The following NEMP2 variants were observed in gnomAD, a reference collection of about 807,000 sequenced individuals.
NEMP2 encodes the protein nuclear envelope integral membrane protein 2.
A neutral mutation model predicts 54.2 loss-of-function variants in NEMP2; 53 were observed. That is an observed-to-expected ratio of 0.98 (90% CI 0.78 to 1.23). NEMP2 has a LOEUF of 1.23. NEMP2 is among the 50% of genes most tolerant of loss of function. The pLI is 0.00. For synonymous variants in NEMP2, 197 were observed against 190.3 expected, an observed-to-expected ratio of 1.04 and a Z score of -0.29; for missense variants, 455 against 511.3, an observed-to-expected ratio of 0.89 and a Z score of 1.06.
chr2:190,490,020 T>C, the NEMP2 span, among the ~76,000 whole-genome samples: 1 of 152,302 alleles, frequency 6.6e-6, no homozygotes, highest in East Asian at 1.9e-4. The surrounding 1 kb of genome is among the most constrained non-coding windows in gnomAD (Gnocchi z 4.5). Context: ...TGTGGACTAT[T>C]GTTAAAGAGA....
intron 6 of NEMP2, among the ~76,000 whole-genome samples, chr2:190,515,377 T>A (rs1274359548): frequency 6.6e-6 from 1 of 152,194 alleles, no homozygotes; most frequent in Non-Finnish European, 1.5e-5. Context: ...AAAGAACTGC[T>A]ACGGATTAAA....
chr2:190,493,403 G>A, the NEMP2 span, among the ~76,000 whole-genome samples: 1 of 152,126 alleles, frequency 6.6e-6, no homozygotes, highest in South Asian at 2.1e-4. Flanking sequence ...CCAGACCTAA[G>A]TAATGAGATA....
chr2:190,433,703 CAG>C, the NEMP2 span, among the ~76,000 whole-genome samples: 1 of 152,146 alleles, frequency 6.6e-6, no homozygotes. This position sits in a 1 kb window ranked among gnomAD's most constrained non-coding sequence, Gnocchi z 4.5. Flanking sequence ...TTGGGGATAA[CAG>C]ATAAATTGAC....
At chr2:190,492,826 A>C in the NEMP2 span, among the ~76,000 whole-genome samples, 1 of 151,104 alleles carries the variant, frequency 6.6e-6, no homozygotes, top group East Asian at 1.9e-4. The surrounding 1 kb of genome is among the most constrained non-coding windows in gnomAD (Gnocchi z 5.2). Flanking sequence ...AGCCAGAACT[A>C]CAAGAATTTG....
chr2:190,556,682 A>G, the NEMP2 span, among the ~76,000 whole-genome samples: 4 of 152,200 alleles, frequency 2.6e-5, no homozygotes, highest in South Asian at 2.1e-4. Context: ...CTATACACCA[A>G]TAGCAGACAA....
chr2:190,599,493 A>C, the NEMP2 span, among the ~76,000 whole-genome samples: 1 of 152,194 alleles, frequency 6.6e-6, no homozygotes, highest in Non-Finnish European at 1.5e-5. Context: ...GTATTTTTCC[A>C]TATTTGCTAC....
At chr2:190,497,345 T>A in the NEMP2 span, 1 of 1,371,302 alleles carries the variant, frequency 7.3e-7, no homozygotes, top group African/African-American at 1.5e-5. This position sits in a 1 kb window ranked among gnomAD's most constrained non-coding sequence, Gnocchi z 5.2. Context: ...CTGGAATGGG[T>A]ATATGGGATT....
the NEMP2 span, among the ~76,000 whole-genome samples, chr2:190,486,785 G>A: frequency 6.6e-6 from 1 of 152,194 alleles, no homozygotes; most frequent in Non-Finnish European, 1.5e-5. Flanking sequence ...ATCTCCAAAT[G>A]AGACTATTTC....
the NEMP2 span, among the ~76,000 whole-genome samples, chr2:190,632,739 T>C: frequency 1.3e-5 from 2 of 152,022 alleles, no homozygotes; most frequent in South Asian, 4.1e-4. The surrounding 1 kb of genome is among the most constrained non-coding windows in gnomAD (Gnocchi z 4.8). Context: ...TTTCCATAAC[T>C]AAGGGGGGCA....
At chr2:190,532,789 C>T (rs1192057795) in intron 1 of NEMP2, among the ~76,000 whole-genome samples, 1 of 152,208 alleles carries the variant, frequency 6.6e-6, no homozygotes, top group Non-Finnish European at 1.5e-5. Context: ...GGTTCTTAAG[C>T]CTAGTCTAAT....
chr2:190,429,069 T>A, the NEMP2 span, among the ~76,000 whole-genome samples: 2 of 152,156 alleles, frequency 1.3e-5, no homozygotes, highest in Admixed American at 6.6e-5. Context: ...GATCATCTTT[T>A]TACATATTTA....
chr2:190,550,269 G>GGTTTCCCAGGTCT, the NEMP2 span, among the ~76,000 whole-genome samples: 2 of 152,118 alleles, frequency 1.3e-5, no homozygotes, highest in Non-Finnish European at 2.9e-5. The surrounding 1 kb of genome is among the most constrained non-coding windows in gnomAD (Gnocchi z 4.7). Flanking sequence ...TGTCTGGTGA[G>GGTTTCCCAGGTCT]GGCCTGTTTC....
chr2:190,492,103 A>G, the NEMP2 span, among the ~76,000 whole-genome samples: 4,374 of 152,288 alleles, frequency 0.029, 233 homozygotes, highest in African/African-American at 0.098. The surrounding 1 kb of genome is among the most constrained non-coding windows in gnomAD (Gnocchi z 5.2). Context: ...TCCAACGAAG[A>G]CAAAGAAAAA....
chr2:190,500,503 T>C (rs1167141905), downstream of NEMP2: 9 of 378,772 alleles, frequency 2.4e-5, no homozygotes, highest in African/African-American at 1.8e-4. The surrounding 1 kb of genome is among the most constrained non-coding windows in gnomAD (Gnocchi z 5.3). Context: ...AGAATTTCTC[T>C]GCCAGTGCAG....
the NEMP2 span, chr2:190,436,798 A>G: frequency 5.0e-6 from 8 of 1,614,192 alleles, no homozygotes; most frequent in Non-Finnish European, 5.9e-6. The surrounding 1 kb of genome is among the most constrained non-coding windows in gnomAD (Gnocchi z 5.3). Context: ...AAGCGTAACC[A>G]AGGAGACAAC....
At chr2:190,562,967 G>A in the NEMP2 span, among the ~76,000 whole-genome samples, 1 of 134,668 alleles carries the variant, frequency 7.4e-6, no homozygotes, top group African/African-American at 2.8e-5. The surrounding 1 kb of genome is among the most constrained non-coding windows in gnomAD (Gnocchi z 5.0). Context: ...ATCAATGTCA[G>A]TGGCAGGTTC....
chr2:190,549,351 C>A, the NEMP2 span, among the ~76,000 whole-genome samples: 1 of 152,202 alleles, frequency 6.6e-6, no homozygotes, highest in African/African-American at 2.4e-5. Flanking sequence ...TGTTGACACT[C>A]AAATTCCGTG....
At chr2:190,606,830 T>C in the NEMP2 span, among the ~76,000 whole-genome samples, 1 of 152,268 alleles carries the variant, frequency 6.6e-6, no homozygotes, top group Non-Finnish European at 1.5e-5. Flanking sequence ...TATACAGATA[T>C]GCTAATTTTT....
the NEMP2 span, among the ~76,000 whole-genome samples, chr2:190,458,849 A>C: frequency 6.6e-6 from 1 of 152,180 alleles, no homozygotes; most frequent in Non-Finnish European, 1.5e-5. The surrounding 1 kb of genome is among the most constrained non-coding windows in gnomAD (Gnocchi z 5.3). Flanking sequence ...TCCCTCTATT[A>C]GCTCTGTCTC....
Sources: allele counts gnomAD v4.1 joint callset (sites outside exome capture counted in the v4.1 genomes callset), GRCh38; gene constraint gnomAD v4.1.1; non-coding constraint Gnocchi (gnomAD v3.1); transcripts MANE v1.5; gene names NCBI Gene and HGNC (gene_info 2026-07-23, HGNC 2026-07-21).